The following TRIM61 variants were observed in gnomAD, a reference collection of about 807,000 sequenced individuals.
TRIM61 encodes putative tripartite motif-containing protein 61.
Under a neutral mutation model 14.2 loss-of-function variants are expected in TRIM61, and 1 was observed. That is an observed-to-expected ratio of 0.07 (90% CI 0.03 to 0.33). The LOEUF (loss-of-function observed/expected upper bound fraction) is 0.33. TRIM61 is among the 10% of genes least tolerant of loss of function. The probability of loss-of-function intolerance (pLI) is 0.99; values close to 1 mark genes in which losing one functional copy is unlikely to be tolerated. For synonymous variants in TRIM61, 8 were observed against 71.6 expected (o/e 0.11, Z 4.49); for missense variants, 19 against 202.2 (o/e 0.09, Z 5.49).
At chr4:164,956,154 T>C (rs550273320) in intron 3 of TRIM61, among the ~76,000 whole-genome samples, 29 of 152,290 alleles carry the variant, frequency 1.9e-4, no homozygotes, top group African/African-American at 6.7e-4. Context: ...CAACCTCAAC[T>C]CCCCAGGTTC....
At chr4:164,970,430 T>C (rs4055645) in intron 2 of TRIM61, 91 bp from the exon 3 acceptor site, 2,927 of 179,380 alleles carry the variant, frequency 0.016, 94 homozygotes, top group African/African-American at 0.064. Context: ...GCTAAAATCA[T>C]GGGGTGGAAG....
chr4:164,964,785 A>C (rs1217321657), intron 3 of TRIM61, among the ~76,000 whole-genome samples: 2 of 152,176 alleles, frequency 1.3e-5, no homozygotes, highest in African/African-American at 4.8e-5. Flanking sequence ...TATATTTTTC[A>C]TTTACAAAAC....
intron 3 of TRIM61, among the ~76,000 whole-genome samples, chr4:164,962,931 A>G (rs1345649757): frequency 6.6e-6 from 1 of 152,234 alleles, no homozygotes; most frequent in Admixed American, 6.5e-5. Context: ...AGGTTCTTAT[A>G]CTGAAAGGGA....
chr4:164,973,843 C>CAT (rs1423297283), intron 2 of TRIM61, among the ~76,000 whole-genome samples: 2 of 152,192 alleles, frequency 1.3e-5, no homozygotes, highest in African/African-American at 4.8e-5. Context: ...GTAATACATA[C>CAT]ATATATAGAG....
rs10716862 is a variant in TRIM61, at chr4:164,955,568, CAAAA to C, written c.526-476_526-473del. Among the ~76,000 whole-genome samples the C allele has an allele frequency of 1.4e-4, 11 of 77,224 alleles. 1 individual carries two copies. The highest frequency in any genetic ancestry group is 4.7e-4 in the African/African-American group (11 of 23,192). 50.7% of individuals were successfully genotyped at this position (77,224 alleles called of 152,430 possible). ...TGGGTGACTAAGAGAGATTCAGTCT[CAAAA>C]AAAAAAAAAAAAAAAAAACAAGTTT... On this transcript the variant is annotated intron_variant, in intron 3 of 4. Transcript: ENST00000329314.
At chr4:164,971,590 C>CAAAAAAAAA (rs75634308) in intron 2 of TRIM61, among the ~76,000 whole-genome samples, 1 of 64,380 alleles carries the variant, frequency 1.6e-5, no homozygotes. Flanking sequence ...AACTCTGTCT[C>CAAAAAAAAA]AAAAAAAAAA....
intron 3 of TRIM61, chr4:164,958,691 C>T (rs1323598656): frequency 6.0e-6 from 1 of 166,952 alleles, no homozygotes; most frequent in African/African-American, 2.4e-5. Flanking sequence ...ATTACACAGT[C>T]AATAATTCAA....
intron 3 of TRIM61, chr4:164,958,631 A>G (rs754058343): frequency 1.8e-5 from 3 of 167,086 alleles, no homozygotes; most frequent in Non-Finnish European, 4.4e-5. Flanking sequence ...TCAGAGATGT[A>G]ATGGGAATAA....
chr4:164,974,490 T>G lies in TRIM61; in HGVS notation c.-338+2198A>C, dbSNP rs1480376964. On this transcript the variant is annotated intron_variant, in intron 2 of 4. Transcript: ENST00000329314. Reference sequence around the variant, plus strand: ...TGAGCATTCATGGATTTTGGTATCTTCGGGTGCCCTGGAACCAATGCCCTG... The same window carrying G: ...TGAGCATTCATGGATTTTGGTATCTGCGGGTGCCCTGGAACCAATGCCCTG... Among the ~76,000 whole-genome samples, 26 of 152,180 alleles carry G rather than the reference T, an allele frequency of 1.7e-4. 1 individual carries two copies. Among genetic ancestry groups the G allele is most frequent in the Admixed American group, 1.7e-3 (26 of 15,280 alleles).
chr4:164,971,883 C>G (rs1432803253), intron 2 of TRIM61, among the ~76,000 whole-genome samples: 1 of 152,174 alleles, frequency 6.6e-6, no homozygotes, highest in Non-Finnish European at 1.5e-5. Flanking sequence ...CTTAACTCTT[C>G]TTCTTCCTCT....
At chr4:164,971,238 A>G (rs1732358793) in intron 2 of TRIM61, among the ~76,000 whole-genome samples, 8 of 152,324 alleles carry the variant, frequency 5.3e-5, no homozygotes, top group Admixed American at 5.2e-4. Context: ...GTTAGGAGAT[A>G]TATCTATATA....
chr4:164,967,739 C>G (rs933628441), intron 3 of TRIM61, among the ~76,000 whole-genome samples: 15 of 152,112 alleles, frequency 9.9e-5, no homozygotes, highest in African/African-American at 3.6e-4. Flanking sequence ...GTGGTTCATG[C>G]CTGTAACCCC....
chr4:164,961,278 A>G (rs150279241), intron 3 of TRIM61, among the ~76,000 whole-genome samples: 388 of 151,650 alleles, frequency 2.6e-3, no homozygotes, highest in African/African-American at 8.5e-3. Flanking sequence ...TAATTTTATC[A>G]GAGAGTTGGA....
intron 3 of TRIM61, among the ~76,000 whole-genome samples, chr4:164,960,586 TA>T (rs1424890646): frequency 1.7e-4 from 26 of 150,870 alleles, no homozygotes; most frequent in African/African-American, 6.1e-4. Flanking sequence ...AATTTCCTGT[TA>T]TGTAAACTAC....
intron 3 of TRIM61, among the ~76,000 whole-genome samples, chr4:164,964,170 A>C (rs1354451029): frequency 6.6e-6 from 1 of 151,882 alleles, no homozygotes; most frequent in Non-Finnish European, 1.5e-5. Context: ...TAACACAGTG[A>C]AACCCCATCT....
intron 3 of TRIM61, among the ~76,000 whole-genome samples, chr4:164,961,553 ATAAAAAT>A (rs1229307300): frequency 1.3e-5 from 2 of 151,998 alleles, no homozygotes; most frequent in Non-Finnish European, 2.9e-5. Context: ...GCAAAAATAA[ATAAAAAT>A]TAAAAAATAA....
At chr4:164,961,383 G>A (rs1276031448) in intron 3 of TRIM61, among the ~76,000 whole-genome samples, 2 of 151,464 alleles carry the variant, frequency 1.3e-5, no homozygotes, top group East Asian at 3.9e-4. Flanking sequence ...AACACACTTA[G>A]GGAAATAATC....
At chr4:164,961,695 CA>C (rs967539947) in intron 3 of TRIM61, among the ~76,000 whole-genome samples, 6 of 151,772 alleles carry the variant, frequency 4.0e-5, no homozygotes, top group Non-Finnish European at 5.9e-5. Flanking sequence ...AAAAAAACCC[CA>C]AAACAAGAAA....
intron 3 of TRIM61, among the ~76,000 whole-genome samples, chr4:164,955,286 T>C (rs1731958389): frequency 6.6e-6 from 1 of 152,140 alleles, no homozygotes; most frequent in South Asian, 2.1e-4. Flanking sequence ...TTACATCTAA[T>C]TATGTCTGAA....
Sources: allele counts gnomAD v4.1 joint callset (sites outside exome capture counted in the v4.1 genomes callset), GRCh38; gene constraint gnomAD v4.1.1; transcripts MANE v1.5; gene names NCBI Gene and HGNC (gene_info 2026-07-23, HGNC 2026-07-21).